ATXN7L1: variants seen among roughly 807,000 people sequenced by gnomAD.
ATXN7L1 encodes the protein ataxin-7-like protein 1.
Under a neutral mutation model 70.8 loss-of-function variants are expected in ATXN7L1, and 15 were observed. That is an observed-to-expected ratio of 0.21 (90% CI 0.14 to 0.33). ATXN7L1 has a LOEUF of 0.33. ATXN7L1 is among the 10% of genes least tolerant of loss of function. The pLI, the probability that ATXN7L1 is intolerant of heterozygous loss-of-function variation, is 1.00. For synonymous variants in ATXN7L1, 440 were observed against 445.1 expected (o/e 0.99, Z 0.14); for missense variants, 975 against 1,097.1 (o/e 0.89, Z 1.57).
chr7:105,812,101 C>CT (rs1396327009), intron 2 of ATXN7L1, among the ~76,000 whole-genome samples: 1 of 152,208 alleles, frequency 6.6e-6, no homozygotes, highest in East Asian at 1.9e-4. Context: ...TCTCAAGCCC[C>CT]CCTGGATGCT....
At chr7:105,773,405 C>T (rs759022162) in intron 3 of ATXN7L1, among the ~76,000 whole-genome samples, 7 of 152,148 alleles carry the variant, frequency 4.6e-5, no homozygotes, top group Non-Finnish European at 1.0e-4. Flanking sequence ...TTTCTGCTCG[C>T]CAGTGCTGGG....
intron 2 of ATXN7L1, among the ~76,000 whole-genome samples, chr7:105,797,003 T>C (rs751899222): frequency 1.3e-5 from 2 of 152,248 alleles, no homozygotes; most frequent in Non-Finnish European, 2.9e-5. Flanking sequence ...AAGGGCTCCA[T>C]TGTGAGAGAT....
At chr7:105,697,127 C>T (rs898150779) in intron 3 of ATXN7L1, among the ~76,000 whole-genome samples, 1 of 152,190 alleles carries the variant, frequency 6.6e-6, no homozygotes, top group Non-Finnish European at 1.5e-5. Context: ...ATTAAAATTG[C>T]TAATGAAGTT....
At chr7:105,807,095 G>A (rs1399993679) in intron 2 of ATXN7L1, among the ~76,000 whole-genome samples, 1 of 152,182 alleles carries the variant, frequency 6.6e-6, no homozygotes, top group Non-Finnish European at 1.5e-5. Context: ...ACCACCTGTT[G>A]CCCCAGGATT....
chr7:105,845,402 A>T (rs1813864717), intron 2 of ATXN7L1, among the ~76,000 whole-genome samples: 2 of 152,106 alleles, frequency 1.3e-5, no homozygotes, highest in South Asian at 4.1e-4. Flanking sequence ...TTAAGATCTA[A>T]GTAAATACAA....
At chr7:105,721,969 T>G (rs928504924) in intron 3 of ATXN7L1, among the ~76,000 whole-genome samples, 2 of 152,258 alleles carry the variant, frequency 1.3e-5, no homozygotes, top group East Asian at 1.9e-4. Flanking sequence ...GAGGGACTAG[T>G]GCTCTCTTTT....
chr7:105,707,864 C>A (rs913667251), intron 3 of ATXN7L1, among the ~76,000 whole-genome samples: 3 of 152,220 alleles, frequency 2.0e-5, no homozygotes, highest in African/African-American at 7.2e-5. Flanking sequence ...CTCAACAGCT[C>A]TAACAGGAGA....
chr7:105,677,037 C>T (rs1038580415), intron 3 of ATXN7L1, among the ~76,000 whole-genome samples: 8 of 152,236 alleles, frequency 5.3e-5, no homozygotes, highest in Non-Finnish European at 8.8e-5. Context: ...TGCCAGGCCC[C>T]GTGGAGGGAG....
chr7:105,616,431 T>C (rs1379675517), intron 9 of ATXN7L1, among the ~76,000 whole-genome samples: 1 of 152,226 alleles, frequency 6.6e-6, no homozygotes, highest in Non-Finnish European at 1.5e-5. Flanking sequence ...AGAGGAATCC[T>C]TGTCCTTGAA....
At chr7:105,793,768 G>A (rs564606632) in intron 2 of ATXN7L1, among the ~76,000 whole-genome samples, 1 of 152,312 alleles carries the variant, frequency 6.6e-6, no homozygotes, top group South Asian at 2.1e-4. Flanking sequence ...TAGAGTGCTA[G>A]CACCACCACA....
chr7:105,866,700 G>A (rs1054182610), intron 2 of ATXN7L1, among the ~76,000 whole-genome samples: 2 of 152,164 alleles, frequency 1.3e-5, no homozygotes, highest in African/African-American at 2.4e-5. Flanking sequence ...ACACTGGACC[G>A]GGAGATTTAG....
At chr7:105,875,980 C>A in intron 1 of ATXN7L1, 100 bp from the exon 2 acceptor site, 1 of 1,010,688 alleles carries the variant, frequency 9.9e-7, no homozygotes, top group South Asian at 1.4e-5. Flanking sequence ...GCAAACAGAT[C>A]GATATAAATA....
intron 3 of ATXN7L1, among the ~76,000 whole-genome samples, chr7:105,686,802 C>T (rs1248241202): frequency 1.3e-5 from 2 of 152,130 alleles, no homozygotes; most frequent in Non-Finnish European, 2.9e-5. Flanking sequence ...AATCATAAGT[C>T]GAACCATTGT....
intron 3 of ATXN7L1, among the ~76,000 whole-genome samples, chr7:105,712,241 G>C (rs541354655): frequency 6.6e-6 from 1 of 152,370 alleles, no homozygotes; most frequent in East Asian, 1.9e-4. Context: ...CTCTGGGCCT[G>C]TGATGGGAGG....
intron 3 of ATXN7L1, among the ~76,000 whole-genome samples, chr7:105,710,995 T>C (rs1386941446): frequency 1.3e-5 from 2 of 152,104 alleles, no homozygotes; most frequent in East Asian, 1.9e-4. Context: ...GGGGAACCCA[T>C]ATAAAACCAT....
chr7:105,638,327 G>A (rs1395121690), intron 7 of ATXN7L1, 26 bp downstream of exon 7: 3 of 1,538,034 alleles, frequency 2.0e-6, no homozygotes, highest in Non-Finnish European at 2.6e-6. Flanking sequence ...AGCATTCAGG[G>A]CTTCTATCGT....
At chr7:105,790,342 C>T (rs960297914) in intron 2 of ATXN7L1, among the ~76,000 whole-genome samples, 1 of 152,146 alleles carries the variant, frequency 6.6e-6, no homozygotes, top group Admixed American at 6.6e-5. Context: ...TGGCTTACAC[C>T]TGTAATCCCA....
At chr7:105,690,792 A>C (rs1790688795) in intron 3 of ATXN7L1, among the ~76,000 whole-genome samples, 1 of 152,176 alleles carries the variant, frequency 6.6e-6, no homozygotes, top group African/African-American at 2.4e-5. Flanking sequence ...ATTCAGTGGG[A>C]CAAGCACGGC....
intron 10 of ATXN7L1, 76 bp downstream of exon 10, chr7:105,613,782 GCCGC>G (rs1793411193): frequency 6.5e-7 from 1 of 1,547,702 alleles, no homozygotes; most frequent in South Asian, 1.2e-5. Context: ...ACCTGTCGGA[GCCGC>G]CCGGCTAAGC....
Sources: allele counts gnomAD v4.1 joint callset (sites outside exome capture counted in the v4.1 genomes callset), GRCh38; gene constraint gnomAD v4.1.1; transcripts MANE v1.5; gene names NCBI Gene and HGNC (gene_info 2026-07-23, HGNC 2026-07-21).